The following IFT74 variants were observed in gnomAD, a reference collection of about 807,000 sequenced individuals.
IFT74 encodes the protein intraflagellar transport 74, also known as intraflagellar transport protein 74 homolog.
In IFT74, 92 loss-of-function variants were observed where a neutral mutation model predicts 96.7. The ratio of observed to expected loss-of-function variants is 0.95; its 90% CI spans 0.80 to 1.13. The LOEUF is 1.13. Among genes scored for constraint, IFT74 ranks in the 50% most tolerant of loss-of-function variants. The probability of loss-of-function intolerance (pLI) is 0.00; values close to 1 mark genes in which losing one functional copy is unlikely to be tolerated. For missense variants in IFT74, 811 were observed against 698.2 expected (o/e 1.16, Z -1.82); for synonymous variants, 223 against 213.2 (o/e 1.05, Z -0.40).
intron 6 of IFT74, among the ~76,000 whole-genome samples, chr9:26,985,073 A>C (rs1368789429): frequency 2.0e-5 from 3 of 152,238 alleles, no homozygotes; most frequent in Non-Finnish European, 4.4e-5. Context: ...CATCAGTGGC[A>C]GATTGGTTAA....
intron 1 of IFT74, chr9:26,947,571 G>A (rs1458838459): frequency 6.5e-6 from 1 of 153,072 alleles, no homozygotes; most frequent in African/African-American, 2.4e-5. Context: ...CTTTCGCGCT[G>A]GGCATGGCGG....
intron 16 of IFT74, among the ~76,000 whole-genome samples, chr9:27,050,755 G>T (rs1819885594): frequency 6.7e-6 from 1 of 149,178 alleles, no homozygotes; most frequent in African/African-American, 2.5e-5. Context: ...GGAGGGAGGA[G>T]GGATAGCATT....
intron 2 of IFT74, among the ~76,000 whole-genome samples, chr9:26,973,641 G>A (rs1467685803): frequency 6.6e-6 from 1 of 152,150 alleles, no homozygotes; most frequent in African/African-American, 2.4e-5. Context: ...CCACCTCAGG[G>A]ATCAACAAAA....
intron 2 of IFT74, among the ~76,000 whole-genome samples, chr9:26,964,955 A>T (rs1826542810): frequency 6.6e-6 from 1 of 152,190 alleles, no homozygotes; most frequent in Non-Finnish European, 1.5e-5. Context: ...ATGAGTTGAT[A>T]TTCTAAGCAG....
chr9:26,947,281 C>G (rs901577285), intron 1 of IFT74: 3 of 531,692 alleles, frequency 5.6e-6, no homozygotes, highest in African/African-American at 2.0e-5. Flanking sequence ...CTCAGCCCTC[C>G]ATGACGCAGA....
chr9:27,021,132 C>CAT (rs1285222878), intron 12 of IFT74, among the ~76,000 whole-genome samples: 7 of 151,996 alleles, frequency 4.6e-5, no homozygotes, highest in East Asian at 1.9e-4. Flanking sequence ...GTAGAATAAA[C>CAT]ATATATATAT....
At chr9:26,951,949 T>G (rs1482330363), upstream of IFT74, among the ~76,000 whole-genome samples, 2 of 152,256 alleles carry the variant, frequency 1.3e-5, no homozygotes, top group Non-Finnish European at 2.9e-5. Flanking sequence ...TATCAGCTTC[T>G]AAATCACATT....
chr9:27,053,899 A>T (rs147620717), intron 16 of IFT74, among the ~76,000 whole-genome samples: 5 of 152,306 alleles, frequency 3.3e-5, no homozygotes, highest in African/African-American at 1.2e-4. Flanking sequence ...GATTCTCATA[A>T]CTATTTCTAA....
intron 3 of IFT74, among the ~76,000 whole-genome samples, chr9:26,979,863 C>T (rs921925622): frequency 2.0e-5 from 3 of 151,796 alleles, no homozygotes; most frequent in Non-Finnish European, 4.4e-5. Context: ...CAGGCACATG[C>T]CACAATGCCC....
chr9:26,995,546 AT>A (rs1563958694), intron 8 of IFT74: 2 of 1,568,650 alleles, frequency 1.3e-6, no homozygotes, highest in Admixed American at 1.9e-5. Flanking sequence ...TAATTCATGG[AT>A]ATCTATATAT....
In IFT74 at chr9:27,012,867, C is replaced by T. The variant is rs537750597; in HGVS notation, c.789+899C>T. The stretch of plus-strand genomic sequence containing the variant: ...GAGTAGCTGGGACTACAGGCACCCG[C>T]CACCACACCCAGCTAATTTTTTTGT... On this transcript the variant is annotated intron_variant, in intron 10 of 19. Coordinates refer to ENST00000380062, the MANE Select transcript of IFT74 (RefSeq NM_025103.4). Among the ~76,000 whole-genome samples, 299 of 150,972 alleles carry T rather than the reference C, an allele frequency of 2.0e-3. 1 individual carries two copies. Among genetic ancestry groups the T allele is most frequent in the Non-Finnish European group, 3.5e-3 (234 of 67,550 alleles).
intron 18 of IFT74, among the ~76,000 whole-genome samples, chr9:27,057,917 TA>T (rs1165628139): frequency 6.6e-6 from 1 of 152,070 alleles, no homozygotes; most frequent in African/African-American, 2.4e-5. Flanking sequence ...TAGAGCAAAA[TA>T]AAAATGATGT....
At chr9:27,002,451 CATT>C (rs1255683629) in intron 8 of IFT74, among the ~76,000 whole-genome samples, 2 of 152,198 alleles carry the variant, frequency 1.3e-5, no homozygotes, top group Admixed American at 1.3e-4. Flanking sequence ...GTCTTTAATC[CATT>C]TTTATTCCTG....
At chr9:27,038,367 G>C (rs1819300717) in intron 13 of IFT74, among the ~76,000 whole-genome samples, 1 of 152,202 alleles carries the variant, frequency 6.6e-6, no homozygotes, top group East Asian at 1.9e-4. Context: ...GGTTCAAGCA[G>C]TTCTCACGCC....
intron 11 of IFT74, 35 bp downstream of exon 11, chr9:27,017,085 T>A: frequency 6.4e-7 from 1 of 1,572,894 alleles, no homozygotes; most frequent in Non-Finnish European, 8.6e-7. Flanking sequence ...TTAAGATGTC[T>A]GGTTTTGGTA....
chr9:27,036,386 C>T, intron 13 of IFT74: 1 of 1,581,952 alleles, frequency 6.3e-7, no homozygotes, highest in South Asian at 1.2e-5. Context: ...TATATGTACT[C>T]TTTTTACCAC....
chr9:27,009,372 A>T (rs550324113), intron 9 of IFT74, among the ~76,000 whole-genome samples: 1 of 152,298 alleles, frequency 6.6e-6, no homozygotes, highest in South Asian at 2.1e-4. Context: ...TTGATGACCT[A>T]GCTTTTACTC....
chr9:26,981,768 ATT>A (rs57916629), intron 4 of IFT74, among the ~76,000 whole-genome samples: 16 of 128,718 alleles, frequency 1.2e-4, no homozygotes, highest in Middle Eastern at 4.8e-3. Flanking sequence ...GATAAGAATA[ATT>A]TTTTTTTTTT....
intron 1 of IFT74, among the ~76,000 whole-genome samples, chr9:26,951,133 T>G (rs1187097376): frequency 6.6e-6 from 1 of 152,238 alleles, no homozygotes; most frequent in Non-Finnish European, 1.5e-5. Flanking sequence ...GGACTAAACA[T>G]CACAGTTTGT....
Sources: allele counts gnomAD v4.1 joint callset (sites outside exome capture counted in the v4.1 genomes callset), GRCh38; gene constraint gnomAD v4.1.1; transcripts MANE v1.5; gene names NCBI Gene and HGNC (gene_info 2026-07-23, HGNC 2026-07-21).